The following MRM1 variants were observed in gnomAD, a reference collection of about 807,000 sequenced individuals.
The protein encoded by MRM1 is mitochondrial rRNA methyltransferase 1, also known as rRNA methyltransferase 1, mitochondrial.
Under a neutral mutation model 25.0 loss-of-function variants are expected in MRM1, and 24 were observed. The ratio of observed to expected loss-of-function variants is 0.96; its 90% confidence interval spans 0.69 to 1.35. MRM1 has a LOEUF of 1.35. MRM1 is among the 40% of genes most tolerant of loss of function. The probability of loss-of-function intolerance (pLI) is 0.00; values close to 1 mark genes in which losing one functional copy is unlikely to be tolerated. For missense variants in MRM1, 431 were observed against 464.1 expected (o/e 0.93, Z 0.65); for synonymous variants, 188 against 199.2 (o/e 0.94, Z 0.47).
chr17:36,617,874 C>G, the MRM1 span, among the ~76,000 whole-genome samples: 6 of 152,178 alleles, frequency 3.9e-5, no homozygotes, highest in South Asian at 2.1e-4. Context: ...TGCTGTTGCT[C>G]CCTCTCTGAG....
chr17:36,617,670 A>G, the MRM1 span, among the ~76,000 whole-genome samples: 1 of 152,138 alleles, frequency 6.6e-6, no homozygotes, highest in Non-Finnish European at 1.5e-5. Context: ...TGCTGGGATT[A>G]CAGTCATGAG....
rs2074945140 is a variant in MRM1, at chr17:36,607,892, C to T, written c.770-7C>T. ...GCAACCCTAACCCTCAGCCCCACGCCCTGCAGGGAATGAGGGCTCAGGTCT... is the reference window on the plus strand; with the variant it reads ...GCAACCCTAACCCTCAGCCCCACGCTCTGCAGGGAATGAGGGCTCAGGTCT... On this transcript the variant is annotated splice_polypyrimidine_tract_variant and splice_region_variant and intron_variant, in intron 3 of 4. Coordinates refer to ENST00000614766, the MANE Select transcript of MRM1 (RefSeq NM_024864.5). 1.2e-6 allele frequency: 2 copies of T among 1,613,540 alleles called. No homozygotes were observed. Among genetic ancestry groups the T allele is most frequent in the South Asian group, 1.1e-5 (1 of 91,056 alleles).
chr17:36,619,062 C>T, the MRM1 span, among the ~76,000 whole-genome samples: 1 of 152,206 alleles, frequency 6.6e-6, no homozygotes, highest in Non-Finnish European at 1.5e-5. Flanking sequence ...CATCCACCAC[C>T]CAGCCCTTGG....
At position 36,601,695 on chromosome 17, in the gene MRM1, G is replaced by A; in HGVS notation, c.-116G>A. On this transcript the variant is annotated 5_prime_UTR_variant, in exon 1 of 5. Coordinates refer to ENST00000614766, the MANE Select transcript of MRM1 (RefSeq NM_024864.5). ...TTCCTGTCCGAGAGAGCTCGGCGGA[G>A]ACGGCTGTCGAGTACCCTTCACCTC... The A allele has an allele frequency of 9.0e-7, 1 of 1,112,480 alleles. No individual in the cohort carries two copies. The highest frequency in any genetic ancestry group is 1.2e-6 in the Non-Finnish European group (1 of 805,288). 68.9% of individuals were successfully genotyped at this position (1,112,480 alleles called of 1,614,324 possible). A position where few individuals can be genotyped will look rare whatever the true frequency, so the allele number is the denominator to read the frequency against.
chr17:36,629,446 T>C, the MRM1 span, among the ~76,000 whole-genome samples: 3 of 152,166 alleles, frequency 2.0e-5, no homozygotes, highest in African/African-American at 7.2e-5. Context: ...GTGCCCATCA[T>C]TCACACTAGA....
chr17:36,620,838 CA>C, the MRM1 span, among the ~76,000 whole-genome samples: 1 of 152,284 alleles, frequency 6.6e-6, no homozygotes, highest in South Asian at 2.1e-4. Flanking sequence ...AGCCCTGGCC[CA>C]ACCCATCCAT....
chr17:36,626,128 GC>G, the MRM1 span, among the ~76,000 whole-genome samples: 1 of 151,930 alleles, frequency 6.6e-6, no homozygotes, highest in Non-Finnish European at 1.5e-5. Context: ...TCCCCTCCCC[GC>G]CCCCGGACCC....
chr17:36,624,519 G>C, the MRM1 span, among the ~76,000 whole-genome samples: 1 of 152,222 alleles, frequency 6.6e-6, no homozygotes, highest in African/African-American at 2.4e-5. This position sits in a 1 kb window ranked among gnomAD's most constrained non-coding sequence, Gnocchi z 4.0. Flanking sequence ...AATGTCATCA[G>C]TACAACCGGG....
chr17:36,613,850 C>T (rs2142849596), downstream of MRM1, among the ~76,000 whole-genome samples: 1 of 152,224 alleles, frequency 6.6e-6, no homozygotes, highest in East Asian at 1.9e-4. Context: ...GTACCAAAAG[C>T]AGGATGTCAG....
chr17:36,617,944 C>T, the MRM1 span, among the ~76,000 whole-genome samples: 2 of 152,222 alleles, frequency 1.3e-5, no homozygotes, highest in East Asian at 3.8e-4. Context: ...CTTCCTGTGC[C>T]CTCGGGGCTG....
the MRM1 span, among the ~76,000 whole-genome samples, chr17:36,627,436 C>A: frequency 0.025 from 3,835 of 152,278 alleles, 83 homozygotes; most frequent in South Asian, 0.069. Flanking sequence ...TTCCCCATCC[C>A]GCTTTGCCTG....
the MRM1 span, among the ~76,000 whole-genome samples, chr17:36,616,458 T>C: frequency 1.3e-5 from 2 of 152,222 alleles, no homozygotes; most frequent in Non-Finnish European, 2.9e-5. Flanking sequence ...GACCCACCTG[T>C]GCCAGACTTT....
chr17:36,611,445 C>T (rs536206558), downstream of MRM1, among the ~76,000 whole-genome samples: 2 of 152,166 alleles, frequency 1.3e-5, no homozygotes, highest in Non-Finnish European at 2.9e-5. Context: ...AAAAGATGTT[C>T]TGTAAACCAG....
At chr17:36,612,936 C>A (rs1167838685), downstream of MRM1, among the ~76,000 whole-genome samples, 8 of 152,180 alleles carry the variant, frequency 5.3e-5, no homozygotes. Flanking sequence ...TTCCTGTAGG[C>A]TCTGGCCCCT....
the MRM1 span, among the ~76,000 whole-genome samples, chr17:36,616,767 GT>G: frequency 1.3e-5 from 2 of 152,272 alleles, no homozygotes; most frequent in African/African-American, 2.4e-5. Context: ...GTCTTGCTCT[GT>G]TGCCCAGGCT....
At chr17:36,605,880 C>T (rs1445607796) in intron 2 of MRM1, among the ~76,000 whole-genome samples, 3 of 152,122 alleles carry the variant, frequency 2.0e-5, no homozygotes. Context: ...CCCACCTGGC[C>T]TCCTTTCTTC....
At chr17:36,617,133 C>T in the MRM1 span, among the ~76,000 whole-genome samples, 1 of 152,160 alleles carries the variant, frequency 6.6e-6, no homozygotes, top group Admixed American at 6.5e-5. Context: ...GCTGGAAGCC[C>T]AGAAGTGACA....
Position 36,602,769 on chromosome 17 carries a change from AAAT to A in MRM1, c.636+124_636+126del. 1 of 1,319,722 alleles carries A rather than the reference AAAT, an allele frequency of 7.6e-7. No homozygotes were observed. The highest frequency in any genetic ancestry group is 2.1e-5 in the Admixed American group (1 of 48,330). 81.8% of individuals were successfully genotyped at this position (1,319,722 alleles called of 1,614,324 possible). ...TTGGCACCGCTTCCTTTGGCCTTCT[AAAT>A]CCCTCTGGGGATGGAAGGGTCCTGG... On this transcript the variant is annotated intron_variant, in intron 2 of 4. Transcript: ENST00000614766. This position sits in a 1 kb window ranked among gnomAD's most constrained non-coding sequence, Gnocchi z 4.1.
At chr17:36,625,462 C>CTTTT in the MRM1 span, among the ~76,000 whole-genome samples, 650 of 101,938 alleles carry the variant, frequency 6.4e-3, 47 homozygotes, top group African/African-American at 0.022. Flanking sequence ...CCTCCTCCTC[C>CTTTT]TTTTTTTTTT....
Sources: gnomAD v4.1 joint callset for allele counts (sites outside exome capture counted in the v4.1 genomes callset) on GRCh38, gnomAD v4.1.1 for gene constraint, Gnocchi (gnomAD v3.1) non-coding constraint, MANE v1.5 for transcripts, NCBI Gene and HGNC (gene_info 2026-07-23, HGNC 2026-07-21) for gene names.